Variants in AFF2 observed in about 807,000 individuals in gnomAD.
The protein encoded by AFF2 is ALF transcription elongation factor 2.
A neutral mutation model predicts 76.9 loss-of-function variants in AFF2; 14 were observed. The ratio of observed to expected loss-of-function variants is 0.18; its 90% CI spans 0.12 to 0.28. The LOEUF (loss-of-function observed/expected upper bound fraction) is 0.28, where lower values mean the gene tolerates loss of function less well. Among genes scored for constraint, AFF2 ranks in the 10% least tolerant of loss-of-function variants. The probability of loss-of-function intolerance (pLI) is 1.00; values close to 1 mark genes in which losing one functional copy is unlikely to be tolerated. For synonymous variants in AFF2, 398 were observed against 366.7 expected (o/e 1.09, Z -0.98); for missense variants, 868 against 1,001.1 (o/e 0.87, Z 1.79).
At chrX:148,797,566 A>G (rs1467768014) in intron 3 of AFF2, among the ~76,000 whole-genome samples, 2 of 111,664 alleles carry the variant, frequency 1.8e-5, no homozygotes, top group Non-Finnish European at 3.8e-5. Flanking sequence ...TGCCAAAGTC[A>G]CTCTCTATCT....
chrX:148,662,412 G>C lies in AFF2; in HGVS notation c.685G>C (p.Ala229Pro), dbSNP rs201078458. 1.7e-6 allele frequency: 2 copies of C among 1,210,415 alleles called. No individual in the cohort carries two copies. The highest frequency in any genetic ancestry group is 3.5e-5 in the African/African-American group (2 of 57,284). ...DSNPNSSGED[A>P]FKEIFQSNSP... The stretch of plus-strand genomic sequence containing the variant: ...TAACCCTAATTCTAGTGGAGAAGAT[G>C]CTTTCAAAGAAATCTTTCAATCCAA... The change falls in exon 3 of 21, where the codon GCT becomes CCT. Residue 229 changes from alanine (A) to proline (P), a missense_variant. Coordinates refer to ENST00000370460, the MANE Select transcript of AFF2 (RefSeq NM_002025.4).
Position 148,956,611 on chromosome X carries a change from A to G in AFF2, c.2566A>G (p.Lys856Glu), listed in dbSNP as rs1557287438. 4 of 1,204,787 alleles carry G rather than the reference A, an allele frequency of 3.3e-6. No individual in the cohort carries two copies. The highest frequency in any genetic ancestry group is 4.5e-6 in the Non-Finnish European group (4 of 892,437). Residue 856 changes from lysine to glutamate, a missense_variant and splice_region_variant, in exon 11 of 21, where the codon AAG (lysine) becomes GAG (glutamate). Coordinates refer to ENST00000370460, the MANE Select transcript of AFF2 (RefSeq NM_002025.4). The part of the protein sequence containing the change: ...KPAPKGKRKH[K>E]PIEVAEKIPE... ...AGCCCCTAAGGGCAAACGTAAGCAC[A>G]AGGTAAGCTGTCTAAAGTGGCCTGC...
At chrX:148,798,611 T>C (rs1249059336) in intron 3 of AFF2, among the ~76,000 whole-genome samples, 2 of 112,460 alleles carry the variant, frequency 1.8e-5, no homozygotes, top group Non-Finnish European at 3.8e-5. Context: ...TAATGTGTTG[T>C]GCTTGTACCT....
chrX:148,945,349 A>C (rs2071887977), intron 9 of AFF2, among the ~76,000 whole-genome samples: 1 of 112,645 alleles, frequency 8.9e-6, no homozygotes, highest in Non-Finnish European at 1.9e-5. Context: ...GATACAAGGT[A>C]GTCAACTTTC....
At chrX:148,814,580 T>C (rs79454817) in intron 4 of AFF2, among the ~76,000 whole-genome samples, 1 of 111,718 alleles carries the variant, frequency 9.0e-6, no homozygotes, top group Non-Finnish European at 1.9e-5. Context: ...GGAACTTGAT[T>C]TGATAAACTG....
intron 3 of AFF2, among the ~76,000 whole-genome samples, chrX:148,742,722 G>A (rs1212161118): frequency 6.3e-5 from 7 of 111,707 alleles, no homozygotes; most frequent in African/African-American, 2.3e-4. Flanking sequence ...AATGTGAGAT[G>A]AGTATTATTT....
At chrX:148,540,780 A>G (rs1218661788) in intron 1 of AFF2, among the ~76,000 whole-genome samples, 1 of 111,782 alleles carries the variant, frequency 8.9e-6, no homozygotes, top group Non-Finnish European at 1.9e-5. Context: ...CATGAGGAGA[A>G]TGTGCAAAAC....
Position 148,996,708 on chromosome X carries a change from A to G in AFF2, c.*5376A>G, listed in dbSNP as rs2072604954. On this transcript the variant is annotated 3_prime_UTR_variant, in exon 21 of 21. Transcript: ENST00000370460. Reference sequence around the variant, plus strand: ...TGCCCTGGAAGCCTAGGTTTTAAGCAGGAGAATAGCTGAGAAGAATGAAGC... The same window carrying G: ...TGCCCTGGAAGCCTAGGTTTTAAGCGGGAGAATAGCTGAGAAGAATGAAGC... The G allele has an allele frequency of 8.9e-6, 1 of 112,205 alleles. No homozygotes were observed. The highest frequency in any genetic ancestry group is 9.4e-5 in the Admixed American group (1 of 10,627). The allele number at this position is 112,205 out of a possible 1,213,427, so 9.2% of individuals were successfully genotyped here. A position where few individuals can be genotyped will look rare whatever the true frequency, so the allele number is the denominator to read the frequency against.
intron 1 of AFF2, among the ~76,000 whole-genome samples, chrX:148,597,998 A>G (rs1291627944): frequency 4.5e-5 from 5 of 112,266 alleles, no homozygotes; most frequent in South Asian, 7.3e-4. Flanking sequence ...CACATCATCA[A>G]TAGGAGTTGG....
At chrX:148,653,652 A>T (rs782019749) in intron 2 of AFF2, among the ~76,000 whole-genome samples, 1 of 111,792 alleles carries the variant, frequency 8.9e-6, no homozygotes, top group Non-Finnish European at 1.9e-5. Context: ...GAAACTAAGG[A>T]AAGATAAAGA....
At position 148,997,719 on chromosome X, in the gene AFF2, GGGA is replaced by G. The variant is rs1557293556; in HGVS notation, c.*6388_*6390del. On this transcript the variant is annotated 3_prime_UTR_variant, in exon 21 of 21. Coordinates refer to ENST00000370460, the MANE Select transcript of AFF2 (RefSeq NM_002025.4). ...ATTTAATTGGCATTACACTTACACA[GGGA>G]CTCTGAGCACCCCCGTCACCACACC... 1 of 111,774 alleles carries G rather than the reference GGGA, an allele frequency of 8.9e-6. No homozygotes were observed. Among genetic ancestry groups the G allele is most frequent in the East Asian group, 2.8e-4 (1 of 3,565 alleles). The allele number at this position is 111,774 out of a possible 1,213,427, so 9.2% of individuals were successfully genotyped here.
intron 1 of AFF2, among the ~76,000 whole-genome samples, chrX:148,554,306 G>A (rs180827892): frequency 5.3e-5 from 6 of 112,251 alleles, no homozygotes; most frequent in Admixed American, 1.9e-4. Context: ...TGAGGTAGGC[G>A]TGGTCTGTAT....
At chrX:148,729,524 T>A (rs1205791328) in intron 3 of AFF2, among the ~76,000 whole-genome samples, 3 of 111,384 alleles carry the variant, frequency 2.7e-5, no homozygotes, top group African/African-American at 9.8e-5. Flanking sequence ...GAGAATGGAT[T>A]TGCTCTCTGT....
At chrX:148,790,582 A>G (rs1405665942) in intron 3 of AFF2, among the ~76,000 whole-genome samples, 1 of 110,605 alleles carries the variant, frequency 9.0e-6, no homozygotes, top group Non-Finnish European at 1.9e-5. Flanking sequence ...GCAAAGTAAC[A>G]CAGGAACAGA....
chrX:148,942,631 A>G (rs1445843258), intron 9 of AFF2, among the ~76,000 whole-genome samples: 4 of 110,533 alleles, frequency 3.6e-5, no homozygotes, highest in African/African-American at 1.3e-4. Context: ...CCTTGCCAAC[A>G]TGGTGAAACC....
At chrX:148,750,479 C>T (rs1249910332) in intron 3 of AFF2, among the ~76,000 whole-genome samples, 1 of 111,386 alleles carries the variant, frequency 9.0e-6, no homozygotes, top group African/African-American at 3.3e-5. Context: ...CATGAGGTAT[C>T]ATTTCAGTAC....
intron 3 of AFF2, among the ~76,000 whole-genome samples, chrX:148,669,813 T>A (rs1050911845): frequency 4.5e-5 from 5 of 111,433 alleles, no homozygotes; most frequent in African/African-American, 1.6e-4. Context: ...ACAATAGTAC[T>A]GAGTCCAAGG....
intron 1 of AFF2, among the ~76,000 whole-genome samples, chrX:148,648,558 C>T (rs1603267237): frequency 1.4e-5 from 1 of 73,094 alleles, no homozygotes; most frequent in Non-Finnish European, 2.4e-5. Context: ...GGGAAAACTC[C>T]GTCAAAAAAA....
intron 7 of AFF2, among the ~76,000 whole-genome samples, chrX:148,861,879 T>A (rs984686213): frequency 1.8e-5 from 2 of 111,558 alleles, no homozygotes; most frequent in African/African-American, 6.5e-5. Context: ...TTTGGGGGCT[T>A]TATTTTTGTA....
Sources: gnomAD v4.1 joint callset for allele counts (sites outside exome capture counted in the v4.1 genomes callset) on GRCh38, gnomAD v4.1.1 for gene constraint, MANE v1.5 for transcripts, NCBI Gene and HGNC (gene_info 2026-07-23, HGNC 2026-07-21) for gene names.